KIFBP: variants seen among roughly 807,000 people sequenced by gnomAD.
KIFBP encodes the protein KIF-binding protein.
Under a neutral mutation model 58.9 loss-of-function variants are expected in KIFBP, and 46 were observed. The observed-to-expected ratio is 0.78, with a 90% CI of 0.62 to 1.00. The LOEUF is 1.00. KIFBP is among the 50% of genes least tolerant of loss of function. KIFBP has a pLI of 0.00. For synonymous variants in KIFBP, 241 were observed against 283.4 expected, an observed-to-expected ratio of 0.85 and a Z score of 1.50; for missense variants, 651 against 752.9, an observed-to-expected ratio of 0.86 and a Z score of 1.58.
chr10:69,000,222 C>T (rs1160842728), intron 1 of KIFBP, among the ~76,000 whole-genome samples: 2 of 152,124 alleles, frequency 1.3e-5, no homozygotes, highest in Non-Finnish European at 2.9e-5. Context: ...AGCATGAATA[C>T]CCCGAAGCAG....
chr10:69,011,683 C>CTT lies in KIFBP; in HGVS notation c.990+696_990+697dup, dbSNP rs34786287. Among the ~76,000 whole-genome samples, 152 of 42,536 alleles carry CTT rather than the reference C, an allele frequency of 3.6e-3. 17 individuals are homozygous for CTT. The highest frequency in any genetic ancestry group is 8.6e-3 in the African/African-American group (85 of 9,910). 27.9% of individuals were successfully genotyped at this position (42,536 alleles called of 152,430 possible). On this transcript the variant is annotated intron_variant, in intron 6 of 6. Coordinates refer to ENST00000361983, the MANE Select transcript of KIFBP (RefSeq NM_015634.4). ...ACAGGTGTGAGCCACTGTGCCTAAT[C>CTT]TTTTTTTTTTTTTTTTTTTTTTTTT...
chr10:69,009,255 A>AT, intron 5 of KIFBP, among the ~76,000 whole-genome samples: 1 of 152,148 alleles, frequency 6.6e-6, no homozygotes, highest in Non-Finnish European at 1.5e-5. Flanking sequence ...GTAATGCTAG[A>AT]TTTTGGGAGG....
At chr10:68,992,213 G>A (rs1034774791) in intron 1 of KIFBP, among the ~76,000 whole-genome samples, 1 of 151,910 alleles carries the variant, frequency 6.6e-6, no homozygotes, top group Non-Finnish European at 1.5e-5. Flanking sequence ...GGCTGGTCTC[G>A]AACTACTGAG....
At chr10:69,000,392 A>T in intron 1 of KIFBP, 32 bp from the exon 2 acceptor site, 1 of 1,393,102 alleles carries the variant, frequency 7.2e-7, no homozygotes, top group Non-Finnish European at 1.0e-6. Context: ...GTCTTATATC[A>T]TTGTTTGTTT....
chr10:69,016,520 T>G lies in KIFBP; in HGVS notation c.*104T>G. The G allele has an allele frequency of 8.4e-7, 1 of 1,196,962 alleles. No homozygotes were observed. Among genetic ancestry groups the G allele is most frequent in the South Asian group, 1.3e-5 (1 of 78,956 alleles). The allele number at this position is 1,196,962 out of a possible 1,614,324, so 74.1% of individuals were successfully genotyped here. A position where few individuals can be genotyped will look rare whatever the true frequency, so the allele number is the denominator to read the frequency against. On this transcript the variant is annotated 3_prime_UTR_variant, in exon 7 of 7. Transcript: ENST00000361983. ...ATGTTTACCTTTATAGCCAGGTGAGTGCAGTTTGAACTTGAGATACAGTCA... is the reference window on the plus strand; with the variant it reads ...ATGTTTACCTTTATAGCCAGGTGAGGGCAGTTTGAACTTGAGATACAGTCA...
intron 2 of KIFBP, among the ~76,000 whole-genome samples, chr10:69,003,043 A>AC (rs1281176775): frequency 0.02 from 1,987 of 101,808 alleles, 42 homozygotes; most frequent in African/African-American, 0.061. Context: ...ACCCGTCTTT[A>AC]CAAAAAAAAA....
At chr10:68,993,344 T>G (rs1281216404) in intron 1 of KIFBP, among the ~76,000 whole-genome samples, 1 of 152,236 alleles carries the variant, frequency 6.6e-6, no homozygotes, top group Non-Finnish European at 1.5e-5. Context: ...ACAGGACTTT[T>G]CTCTTTTCTA....
Position 68,989,011 on chromosome 10 carries a change from G to C in KIFBP, c.179G>C (p.Arg60Pro). The C allele has an allele frequency of 6.2e-7, 1 of 1,614,156 alleles. No individual in the cohort carries two copies. The highest frequency in any genetic ancestry group is 8.5e-7 in the Non-Finnish European group (1 of 1,180,008). ...CCTGCGCCTGAGGACGAGGATGAGCGGCCTGAGGCCGAGGACGGCCCGGGT... is the reference window on the plus strand; with the variant it reads ...CCTGCGCCTGAGGACGAGGATGAGCCGCCTGAGGCCGAGGACGGCCCGGGT... ...LGPAPEDEDERPEAEDGPGAG... is the reference protein window; with the variant it reads ...LGPAPEDEDEPPEAEDGPGAG... Residue 60 changes from arginine (R) to proline (P), a missense_variant, in exon 1 of 7, where the codon CGG (arginine) becomes CCG (proline). Transcript: ENST00000361983.
chr10:69,011,006 C>A lies in KIFBP; in HGVS notation c.981C>A (p.Leu327=), dbSNP rs776929861. The stretch of plus-strand genomic sequence containing the variant: ...TGACTCTCATGCAGAATGCCCAACT[C>A]TCCATGCAGGTAATGCAGTCAGAAG... ...YCLTLMQNAQ[L]SMQDNIGELD... is the part of the protein sequence containing the mutation. The change falls in exon 6 of 7, where the codon CTC becomes CTA. Residue 327 remains leucine, a synonymous_variant. Coordinates refer to ENST00000361983, the MANE Select transcript of KIFBP (RefSeq NM_015634.4). 6.2e-7 allele frequency: 1 copy of A among 1,611,654 alleles called. No individual in the cohort carries two copies. Among genetic ancestry groups the A allele is most frequent in the South Asian group, 1.1e-5 (1 of 91,034 alleles).
intron 5 of KIFBP, among the ~76,000 whole-genome samples, chr10:69,009,280 G>T (rs1320880711): frequency 6.6e-6 from 1 of 151,998 alleles, no homozygotes; most frequent in East Asian, 1.9e-4. Flanking sequence ...GATGGGAGGG[G>T]CCAGGAGTTC....
At chr10:69,007,488 C>T (rs1478580195) in intron 4 of KIFBP, 1 of 152,174 alleles carries the variant, frequency 6.6e-6, no homozygotes, top group Non-Finnish European at 1.5e-5. Context: ...GCAGTGGTTG[C>T]TCACAGGGAG....
chr10:69,000,225 C>T lies in KIFBP; in HGVS notation c.427-199C>T, dbSNP rs1386299584. 7.9e-5 allele frequency among the ~76,000 whole-genome samples: 12 copies of T among 152,180 alleles called. No individual in the cohort carries two copies. The East Asian group carries it at 9.7e-4, about 12-fold the overall frequency. ...AGGTTACCTAAGAGCATGAATACCC[C>T]GAAGCAGGGATCATTGGGGGTTAAT... On this transcript the variant is annotated intron_variant, in intron 1 of 6. Transcript: ENST00000361983.
intron 6 of KIFBP, among the ~76,000 whole-genome samples, chr10:69,012,686 G>T (rs923307718): frequency 6.6e-5 from 10 of 152,036 alleles, no homozygotes; most frequent in African/African-American, 2.4e-4. Flanking sequence ...GAGCCCATGA[G>T]TTTGAGACCA....
At chr10:69,005,298 A>G (rs1843520766) in intron 3 of KIFBP, among the ~76,000 whole-genome samples, 173 bp downstream of exon 3, 1 of 152,206 alleles carries the variant, frequency 6.6e-6, no homozygotes, top group Non-Finnish European at 1.5e-5. Context: ...CAGTTTCCTT[A>G]TCTGTCAAAT....
chr10:68,993,945 A>C (rs11813199), intron 1 of KIFBP, among the ~76,000 whole-genome samples: 17,463 of 152,244 alleles, frequency 0.11, 1,252 homozygotes, highest in Admixed American at 0.18. Context: ...GCTTTGTGAA[A>C]ATATTTTGAA....
chr10:68,990,224 T>C (rs2132105253), intron 1 of KIFBP, among the ~76,000 whole-genome samples: 1 of 152,130 alleles, frequency 6.6e-6, no homozygotes, highest in East Asian at 1.9e-4. Context: ...ATTTATATGG[T>C]ACTTGGTTTC....
rs1216506858 is a variant in KIFBP at position 69,010,912 on chromosome 10, AAGG to A, written c.890_892del (p.Gly297del). 1.7e-5 allele frequency: 27 copies of A among 1,612,514 alleles called. No individual in the cohort carries two copies. Among genetic ancestry groups the A allele is most frequent in the Non-Finnish European group, 2.2e-5 (26 of 1,178,506 alleles). ...ATGTATATTTTAGCTCCTGAAGCTG[AAGG>A]AGAAGTGCCAGAGCTTTATCATCAA... On this transcript the variant is annotated inframe_deletion, in exon 6 of 7. Transcript: ENST00000361983.
chr10:69,000,064 AAGC>A (rs1564635529), intron 1 of KIFBP, among the ~76,000 whole-genome samples: 1 of 151,802 alleles, frequency 6.6e-6, no homozygotes, highest in African/African-American at 2.4e-5. Flanking sequence ...AAAAAAAAAA[AAGC>A]AGGCAATAGA....
At chr10:68,999,424 T>G (rs2245565) in intron 1 of KIFBP, among the ~76,000 whole-genome samples, 74,437 of 151,230 alleles carry the variant, frequency 0.49, 18,529 homozygotes, top group Middle Eastern at 0.58. Flanking sequence ...AAAAAAAAAG[T>G]TCTCTGGAAG....
Sources: gnomAD v4.1 joint callset for allele counts (sites outside exome capture counted in the v4.1 genomes callset) on GRCh38, gnomAD v4.1.1 for gene constraint, MANE v1.5 for transcripts, NCBI Gene and HGNC (gene_info 2026-07-23, HGNC 2026-07-21) for gene names.